IL1RAPL2: variants seen among roughly 807,000 people sequenced by gnomAD.
The protein encoded by IL1RAPL2 is X-linked interleukin-1 receptor accessory protein-like 2.
IL1RAPL2 carries 3 observed loss-of-function variants against 44.1 expected under a neutral mutation model. The observed-to-expected ratio is 0.07, with a 90% CI of 0.03 to 0.18. The LOEUF is 0.18. Among genes scored for constraint, IL1RAPL2 ranks in the 10% least tolerant of loss-of-function variants. IL1RAPL2 has a pLI of 1.00. For synonymous variants in IL1RAPL2, 181 were observed against 178.8 expected (o/e 1.01, Z -0.10); for missense variants, 391 against 496.4 (o/e 0.79, Z 2.02).
At chrX:104,951,142 C>T (rs771219574) in intron 2 of IL1RAPL2, among the ~76,000 whole-genome samples, 3 of 112,182 alleles carry the variant, frequency 2.7e-5, no homozygotes, top group East Asian at 2.8e-4. Context: ...CCGTCTTCTG[C>T]GTCACTCACG....
At chrX:104,944,614 C>T (rs1040479732) in intron 2 of IL1RAPL2, among the ~76,000 whole-genome samples, 1 of 111,639 alleles carries the variant, frequency 9.0e-6, no homozygotes, top group Admixed American at 9.6e-5. Context: ...AATGCTGCCT[C>T]CTTAGAACTG....
At chrX:104,808,120 T>C in intron 2 of IL1RAPL2, among the ~76,000 whole-genome samples, 1 of 112,381 alleles carries the variant, frequency 8.9e-6, no homozygotes, top group Non-Finnish European at 1.9e-5. Context: ...TAGTTTAACA[T>C]CTCACTCTGC....
At chrX:105,034,947 C>T (rs1397359527) in intron 2 of IL1RAPL2, among the ~76,000 whole-genome samples, 1 of 106,236 alleles carries the variant, frequency 9.4e-6, no homozygotes, top group Non-Finnish European at 1.9e-5. Flanking sequence ...AATGCGGGCG[C>T]CCCTCCCCCA....
chrX:105,421,364 C>T (rs892238363), intron 5 of IL1RAPL2, among the ~76,000 whole-genome samples: 1 of 111,737 alleles, frequency 8.9e-6, no homozygotes, highest in East Asian at 2.8e-4. Context: ...TTGCCCTAAG[C>T]AGTTCCCAGT....
intron 6 of IL1RAPL2, among the ~76,000 whole-genome samples, chrX:105,589,499 C>T (rs2037153067): frequency 9.0e-6 from 1 of 111,195 alleles, no homozygotes; most frequent in South Asian, 3.7e-4. Context: ...TAGGGTTTTT[C>T]GTAGTTTTGG....
At chrX:105,092,177 G>A (rs983515642) in intron 2 of IL1RAPL2, among the ~76,000 whole-genome samples, 2 of 110,603 alleles carry the variant, frequency 1.8e-5, no homozygotes, top group Non-Finnish European at 3.8e-5. Context: ...AAGAATTACG[G>A]CCAACTACAA....
chrX:105,553,048 T>C (rs1418912798), intron 6 of IL1RAPL2, among the ~76,000 whole-genome samples: 1 of 112,253 alleles, frequency 8.9e-6, no homozygotes, highest in Non-Finnish European at 1.9e-5. Context: ...TTAACTAGAA[T>C]TTCCTAGTAG....
chrX:104,728,122 A>C (rs1427793677), intron 2 of IL1RAPL2, among the ~76,000 whole-genome samples: 1 of 111,331 alleles, frequency 9.0e-6, no homozygotes, highest in African/African-American at 3.3e-5. Context: ...AAAGAAAAAG[A>C]ATGAGACCAA....
intron 2 of IL1RAPL2, among the ~76,000 whole-genome samples, chrX:105,163,759 C>CA (rs2033347254): frequency 1.8e-5 from 2 of 110,554 alleles, no homozygotes; most frequent in Non-Finnish European, 1.9e-5. Flanking sequence ...ATTTCAGGCT[C>CA]AAAAAAGAGA....
At chrX:105,014,546 T>C (rs2031131869) in intron 2 of IL1RAPL2, among the ~76,000 whole-genome samples, 1 of 111,641 alleles carries the variant, frequency 9.0e-6, no homozygotes, top group South Asian at 3.8e-4. Flanking sequence ...CTCCCACTTA[T>C]GAGTGAGAAC....
intron 1 of IL1RAPL2, among the ~76,000 whole-genome samples, chrX:104,646,631 GT>G (rs1930045920): frequency 8.9e-6 from 1 of 112,126 alleles, no homozygotes; most frequent in African/African-American, 3.2e-5. Context: ...TATGTAATGT[GT>G]TGGCTAGAAG....
At chrX:104,819,097 A>C (rs1921229306) in intron 2 of IL1RAPL2, among the ~76,000 whole-genome samples, 1 of 112,352 alleles carries the variant, frequency 8.9e-6, no homozygotes, top group Admixed American at 9.4e-5. Flanking sequence ...GATAGCATTT[A>C]GAGTGCCGTA....
At chrX:104,588,323 T>C (rs1465844405) in intron 1 of IL1RAPL2, among the ~76,000 whole-genome samples, 2 of 111,329 alleles carry the variant, frequency 1.8e-5, no homozygotes, top group African/African-American at 6.5e-5. Context: ...CTGAGCAGCA[T>C]GTACAAGGCA....
chrX:104,952,472 A>C (rs1334571885), intron 2 of IL1RAPL2, among the ~76,000 whole-genome samples: 1 of 112,219 alleles, frequency 8.9e-6, no homozygotes, highest in Non-Finnish European at 1.9e-5. Flanking sequence ...ACAAGAACAC[A>C]ACATGATTTA....
intron 7 of IL1RAPL2, among the ~76,000 whole-genome samples, chrX:105,722,528 C>T (rs1308196009): frequency 1.8e-5 from 2 of 111,483 alleles, no homozygotes; most frequent in Non-Finnish European, 3.8e-5. Context: ...GCTAATCATA[C>T]TATTTAGGTG....
intron 2 of IL1RAPL2, among the ~76,000 whole-genome samples, chrX:104,824,092 C>T (rs141337387): frequency 1.1e-3 from 123 of 111,762 alleles, no homozygotes; most frequent in Middle Eastern, 4.7e-3. Context: ...TAGTTTTTAG[C>T]GGGAAGGGAT....
chrX:104,989,170 G>A (rs768275299), intron 2 of IL1RAPL2, among the ~76,000 whole-genome samples: 1 of 111,379 alleles, frequency 9.0e-6, no homozygotes, highest in South Asian at 3.8e-4. Flanking sequence ...GGCATACTGG[G>A]GTGTACATCT....
At chrX:105,365,442 A>T (rs760018257) in intron 5 of IL1RAPL2, among the ~76,000 whole-genome samples, 2 of 111,064 alleles carry the variant, frequency 1.8e-5, no homozygotes, top group African/African-American at 6.5e-5. Context: ...CCCTCCTCTT[A>T]AATTTTTTTG....
intron 2 of IL1RAPL2, among the ~76,000 whole-genome samples, chrX:105,125,407 CA>C (rs771836701): frequency 9.1e-6 from 1 of 110,480 alleles, no homozygotes; most frequent in East Asian, 2.8e-4. Context: ...CCATTTTTCC[CA>C]AAGTCACGTG....
Sources: gnomAD v4.1 joint callset for allele counts (sites outside exome capture counted in the v4.1 genomes callset) on GRCh38, gnomAD v4.1.1 for gene constraint, MANE v1.5 for transcripts, NCBI Gene and HGNC (gene_info 2026-07-23, HGNC 2026-07-21) for gene names.